The following PAPSS2 variants were observed in gnomAD, a reference collection of about 807,000 sequenced individuals.
PAPSS2 encodes the protein 3'-phosphoadenosine 5'-phosphosulfate synthase 2, also known as bifunctional 3'-phosphoadenosine 5'-phosphosulfate synthase 2.
A neutral mutation model predicts 66.5 loss-of-function variants in PAPSS2; 61 were observed. The observed-to-expected ratio is 0.92, with a 90% CI of 0.75 to 1.14. PAPSS2 has a LOEUF of 1.14. Ranked by LOEUF, PAPSS2 falls within the 50% of genes most tolerant of loss-of-function variation. The pLI, the probability that PAPSS2 is intolerant of heterozygous loss-of-function variation, is 0.00. For synonymous variants in PAPSS2, 289 were observed against 287.5 expected (o/e 1.01, Z -0.05); for missense variants, 708 against 789.6 (o/e 0.90, Z 1.24).
At chr10:87,736,273 T>C (rs1184723723) in intron 9 of PAPSS2, among the ~76,000 whole-genome samples, 3 of 145,016 alleles carry the variant, frequency 2.1e-5, no homozygotes, top group East Asian at 3.9e-4. Context: ...CTTTTTTTTT[T>C]TTTTTTTTTT....
intron 1 of PAPSS2, among the ~76,000 whole-genome samples, chr10:87,705,032 G>A (rs1853365648): frequency 6.6e-6 from 1 of 152,214 alleles, no homozygotes; most frequent in Non-Finnish European, 1.5e-5. Flanking sequence ...TACATTCAGT[G>A]AGTTCTAATA....
chr10:87,671,430 G>T (rs916645743), intron 1 of PAPSS2, among the ~76,000 whole-genome samples: 5 of 152,184 alleles, frequency 3.3e-5, no homozygotes, highest in African/African-American at 1.2e-4. Flanking sequence ...CCAGTTTTAG[G>T]AACAGTAGTC....
chr10:87,660,984 C>T, intron 1 of PAPSS2: 1 of 455,920 alleles, frequency 2.2e-6, no homozygotes, highest in Non-Finnish European at 4.4e-6. Context: ...CCCTGCAAGC[C>T]TCAGATGATT....
chr10:87,686,673 C>G (rs1853093609), intron 1 of PAPSS2, among the ~76,000 whole-genome samples: 1 of 152,206 alleles, frequency 6.6e-6, no homozygotes, highest in African/African-American at 2.4e-5. Context: ...GTTGTCGACT[C>G]ATGAGACGAC....
chr10:87,702,259 G>C (rs1288940437), intron 1 of PAPSS2, among the ~76,000 whole-genome samples: 5 of 152,200 alleles, frequency 3.3e-5, no homozygotes, highest in African/African-American at 9.6e-5. Context: ...TAGGAGTCCT[G>C]TCTATGCAGA....
At chr10:87,688,011 C>T (rs1333159892) in intron 1 of PAPSS2, among the ~76,000 whole-genome samples, 1 of 152,036 alleles carries the variant, frequency 6.6e-6, no homozygotes, top group African/African-American at 2.4e-5. Flanking sequence ...TCAATTAAGT[C>T]CTGTATATTT....
intron 9 of PAPSS2, among the ~76,000 whole-genome samples, chr10:87,732,944 A>G (rs886962846): frequency 2.0e-5 from 3 of 152,246 alleles, no homozygotes; most frequent in African/African-American, 7.2e-5. Context: ...CTCACCCTGC[A>G]GACATTTTGT....
chr10:87,708,311 A>T (rs1352659949), intron 1 of PAPSS2, among the ~76,000 whole-genome samples: 2 of 152,232 alleles, frequency 1.3e-5, no homozygotes, highest in Admixed American at 6.5e-5. Context: ...TTTTTGAAAG[A>T]TTAAAAAGTT....
At chr10:87,694,937 A>G (rs1853213756) in intron 1 of PAPSS2, among the ~76,000 whole-genome samples, 1 of 152,204 alleles carries the variant, frequency 6.6e-6, no homozygotes, top group Non-Finnish European at 1.5e-5. Flanking sequence ...AACAGGTCCA[A>G]AAAGTTAGGC....
intron 1 of PAPSS2, among the ~76,000 whole-genome samples, chr10:87,689,229 A>ACT (rs1304344149): frequency 7.1e-6 from 1 of 140,136 alleles, no homozygotes; most frequent in Non-Finnish European, 1.6e-5. Flanking sequence ...AATCCTAGCT[A>ACT]CTCGGGAGGC....
At chr10:87,669,944 T>C (rs1852856267) in intron 1 of PAPSS2, among the ~76,000 whole-genome samples, 1 of 152,244 alleles carries the variant, frequency 6.6e-6, no homozygotes, top group African/African-American at 2.4e-5. Flanking sequence ...GCTTCATTTG[T>C]AAAATATTCT....
intron 1 of PAPSS2, among the ~76,000 whole-genome samples, chr10:87,690,500 C>T (rs1422898426): frequency 1.3e-5 from 2 of 152,122 alleles, no homozygotes; most frequent in Admixed American, 1.3e-4. Flanking sequence ...TGCATACCTG[C>T]TTGTGTATAT....
At chr10:87,735,889 G>T (rs1162170759) in intron 9 of PAPSS2, among the ~76,000 whole-genome samples, 1 of 152,196 alleles carries the variant, frequency 6.6e-6, no homozygotes, top group Non-Finnish European at 1.5e-5. Context: ...TCTCTGGAAT[G>T]CAGGTCATGG....
chr10:87,738,597 A>G (rs1853829695), intron 9 of PAPSS2, among the ~76,000 whole-genome samples: 1 of 152,098 alleles, frequency 6.6e-6, no homozygotes, highest in Admixed American at 6.5e-5. Context: ...TTATGAAGAG[A>G]TGGGGTTTTA....
chr10:87,747,337 T>C lies in PAPSS2; in HGVS notation c.*1367T>C, dbSNP rs1200473631. On this transcript the variant is annotated 3_prime_UTR_variant, in exon 13 of 13. Coordinates refer to ENST00000456849, the MANE Select transcript of PAPSS2 (RefSeq NM_001015880.2). ...CAGCACCTTTTAATATATAGGTCTC[T>C]CTGGAAGAGACCTAAATTAGAAAGA... 3 of 152,198 alleles carry C rather than the reference T, an allele frequency of 2.0e-5. No individual in the cohort carries two copies. The highest frequency in any genetic ancestry group is 4.8e-5 in the African/African-American group (2 of 41,452). 9.4% of individuals were successfully genotyped at this position (152,198 alleles called of 1,614,324 possible). A position where few individuals can be genotyped will look rare whatever the true frequency, so the allele number is the denominator to read the frequency against.
chr10:87,672,352 A>G (rs1226648241), intron 1 of PAPSS2, among the ~76,000 whole-genome samples: 25 of 152,214 alleles, frequency 1.6e-4, no homozygotes, highest in Admixed American at 1.6e-3. Context: ...AGAACTAGTG[A>G]TATAAATGAT....
intron 1 of PAPSS2, among the ~76,000 whole-genome samples, chr10:87,688,679 G>GATCTCCTGACCTCA: frequency 6.6e-6 from 1 of 151,740 alleles, no homozygotes. Context: ...CCATGGTCTC[G>GATCTCCTGACCTCA]ATCTCCTGAC....
At chr10:87,700,075 C>T (rs1404448496) in intron 1 of PAPSS2, among the ~76,000 whole-genome samples, 3 of 152,140 alleles carry the variant, frequency 2.0e-5, no homozygotes, top group East Asian at 3.9e-4. Context: ...AATGTTAACT[C>T]ACTCTGTAAG....
At chr10:87,671,017 A>G (rs1432909938) in intron 1 of PAPSS2, among the ~76,000 whole-genome samples, 2 of 152,188 alleles carry the variant, frequency 1.3e-5, no homozygotes, top group Non-Finnish European at 2.9e-5. Flanking sequence ...GGGACTATCC[A>G]TACAGTATCC....
Sources: allele counts gnomAD v4.1 joint callset (sites outside exome capture counted in the v4.1 genomes callset), GRCh38; gene constraint gnomAD v4.1.1; transcripts MANE v1.5; gene names NCBI Gene and HGNC (gene_info 2026-07-23, HGNC 2026-07-21).